Variants in CELF6 observed in about 807,000 individuals in gnomAD.
CELF6 encodes the protein CUGBP Elav-like family member 6.
A neutral mutation model predicts 53.1 loss-of-function variants in CELF6; 32 were observed. The ratio of observed to expected loss-of-function variants is 0.60; its 90% CI spans 0.46 to 0.81. The LOEUF (loss-of-function observed/expected upper bound fraction) is 0.81, where lower values mean the gene tolerates loss of function less well. CELF6 is among the 30% of genes least tolerant of loss of function. The pLI is 0.00. For synonymous variants in CELF6, 291 were observed against 288.8 expected, an observed-to-expected ratio of 1.01 and a Z score of -0.08; for missense variants, 539 against 669.5, an observed-to-expected ratio of 0.81 and a Z score of 2.15.
chr15:72,305,453 C>T (rs1199549321), intron 2 of CELF6, among the ~76,000 whole-genome samples: 8 of 152,178 alleles, frequency 5.3e-5, no homozygotes, highest in Admixed American at 3.3e-4. Context: ...ATGATTCACC[C>T]GCCTCAGCCT....
chr15:72,319,969 C>A lies in CELF6; in HGVS notation c.-95G>T, dbSNP rs963824640. 5 of 1,230,452 alleles carry A rather than the reference C, an allele frequency of 4.1e-6. No individual in the cohort carries two copies. In the African/African-American group the frequency reaches 8.4e-5, roughly 21 times the overall value. The allele number at this position is 1,230,452 out of a possible 1,614,324, so 76.2% of individuals were successfully genotyped here. A position where few individuals can be genotyped will look rare whatever the true frequency, so the allele number is the denominator to read the frequency against. ...GGTGGCGAGGGCCAGGGGGAGGGGG[C>A]GGAGCCCGGGCGGAGAGGGCGGGGG... On this transcript the variant is annotated 5_prime_UTR_variant, in exon 1 of 13. Coordinates refer to ENST00000287202, the MANE Select transcript of CELF6 (RefSeq NM_052840.5). The surrounding 1 kb of genome is among the most constrained non-coding windows in gnomAD (Gnocchi z 5.0).
intron 1 of CELF6, among the ~76,000 whole-genome samples, chr15:72,316,801 A>C (rs1479226238): frequency 6.6e-6 from 1 of 152,052 alleles, no homozygotes; most frequent in Non-Finnish European, 1.5e-5. Flanking sequence ...TTGAACACTT[A>C]CTTATTATGG....
In CELF6 at chr15:72,286,076, T is replaced by C. The variant is rs1438218256; in HGVS notation, c.*295A>G. The C allele has an allele frequency of 1.3e-5, 2 of 152,662 alleles. No individual in the cohort carries two copies. The highest frequency in any genetic ancestry group is 2.9e-5 in the Non-Finnish European group (2 of 68,050). The allele number at this position is 152,662 out of a possible 1,614,324, so 9.5% of individuals were successfully genotyped here. A position where few individuals can be genotyped will look rare whatever the true frequency, so the allele number is the denominator to read the frequency against. ...ATTTTGAAAGAAGTAAATCTGGGCT[T>C]CCCTTGCGGAGAAGCCCTTGGCACC... On this transcript the variant is annotated 3_prime_UTR_variant, in exon 13 of 13. Transcript: ENST00000287202.
intron 2 of CELF6, among the ~76,000 whole-genome samples, chr15:72,306,803 A>AC (rs949820448): frequency 3.9e-5 from 6 of 151,926 alleles, no homozygotes; most frequent in Non-Finnish European, 8.8e-5. Context: ...GGAGGACAGG[A>AC]CCCGTCCCTG....
intron 2 of CELF6, among the ~76,000 whole-genome samples, chr15:72,315,138 A>G (rs2088346711): frequency 6.6e-6 from 1 of 152,230 alleles, no homozygotes; most frequent in South Asian, 2.1e-4. Context: ...GCTCTGTTCT[A>G]GACACACCGC....
rs572708340 is a variant in CELF6, at chr15:72,309,495, GTGGGAGTT to G, written c.346-4709_346-4702del. 5.9e-3 allele frequency among the ~76,000 whole-genome samples: 893 copies of G among 152,322 alleles called. 10 individuals are homozygous for G. The highest frequency in any genetic ancestry group is 0.019 in the African/African-American group (793 of 41,564). On this transcript the variant is annotated intron_variant, in intron 2 of 12. Coordinates refer to ENST00000287202, the MANE Select transcript of CELF6 (RefSeq NM_052840.5). ...GTTCATCGCTTGGGAGTTGGGGAAG[GTGGGAGTT>G]TGGGAGTTTGGGGGTACAAGGAAGT...
Position 72,288,560 on chromosome 15 carries a change from G to A in CELF6, c.1152C>T (p.Ala384=), listed in dbSNP as rs376352620. The A allele has an allele frequency of 6.2e-5, 99 of 1,594,720 alleles. No homozygotes were observed. The highest frequency in any genetic ancestry group is 8.2e-5 in the Non-Finnish European group (96 of 1,169,948). ...CACCTTCTCTCTGCTGCTGGGGCAG[G>A]GCTGAAGGCTGCTGGGGAAAAGCTG... is the stretch of plus-strand genomic sequence containing the variant. ...VSTAFPQQPS[A]LPQQQREGPE... is the part of the protein sequence containing the mutation. The change falls in exon 10 of 13, where the codon GCC becomes GCT. Residue 384 remains alanine, a synonymous_variant. Transcript: ENST00000287202. This position sits in a 1 kb window ranked among gnomAD's most constrained non-coding sequence, Gnocchi z 4.6.
In CELF6 at chr15:72,306,063, G is replaced by A. The variant is rs576195232; in HGVS notation, c.346-1269C>T. On this transcript the variant is annotated intron_variant, in intron 2 of 12. Transcript: ENST00000287202. ...ATTGCATAATTTGAAAACGCTCCTA[G>A]GTGATTTCAATATATCGCCCCCACA... The A allele has an allele frequency of 3.0e-6, 3 of 984,236 alleles. No homozygotes were observed. In the South Asian group the frequency reaches 1.4e-4, roughly 46 times the overall value. 61.0% of individuals were successfully genotyped at this position (984,236 alleles called of 1,614,324 possible). A position where few individuals can be genotyped will look rare whatever the true frequency, so the allele number is the denominator to read the frequency against.
chr15:72,299,581 G>A (rs936011883), intron 3 of CELF6, among the ~76,000 whole-genome samples: 2 of 151,900 alleles, frequency 1.3e-5, no homozygotes, highest in Admixed American at 1.3e-4. Context: ...GGCTGGTCTT[G>A]AACTCCTGAG....
rs1046042607 is a variant in CELF6 at position 72,293,841 on chromosome 15, C to T, written c.395-3586G>A. On this transcript the variant is annotated intron_variant, in intron 3 of 12. Transcript: ENST00000287202. ...CCTGAGTAGCTGGATTATAGGTGCA[C>T]GCCACCATGCCCAGCTAATTTTTGT... 7.9e-5 allele frequency among the ~76,000 whole-genome samples: 12 copies of T among 152,088 alleles called. No individual in the cohort carries two copies. In the South Asian group the frequency reaches 1.2e-3, roughly 16 times the overall value.
In CELF6 at chr15:72,290,846, C is replaced by T. The variant is rs8033115; in HGVS notation, c.395-591G>A. Among the ~76,000 whole-genome samples the T allele has an allele frequency of 5.1e-3, 779 of 152,250 alleles. 5 individuals are homozygous for T. The highest frequency in any genetic ancestry group is 0.018 in the African/African-American group (735 of 41,528). On this transcript the variant is annotated intron_variant, in intron 3 of 12. Transcript: ENST00000287202. ...GCACTGAGCACTGGCATGATGAATC[C>T]TTACCCTCTGCACCACATCCAACCT...
intron 3 of CELF6, among the ~76,000 whole-genome samples, chr15:72,303,156 C>T (rs1727329737): frequency 6.6e-6 from 1 of 152,158 alleles, no homozygotes; most frequent in South Asian, 2.1e-4. Flanking sequence ...GGGACTGGCT[C>T]ATGGTTGTGG....
At chr15:72,316,005 C>A in intron 1 of CELF6, 78 bp from the exon 2 acceptor site, 1 of 956,806 alleles carries the variant, frequency 1.0e-6, no homozygotes. Context: ...ACTAAGTTGA[C>A]AAACTTAAGG....
chr15:72,312,559 G>A (rs545465232), intron 2 of CELF6, among the ~76,000 whole-genome samples: 32 of 152,276 alleles, frequency 2.1e-4, no homozygotes, highest in African/African-American at 7.2e-4. Context: ...AACCCTGGAG[G>A]TGGAGGTTGC....
chr15:72,307,104 A>G (rs542767926), intron 2 of CELF6, among the ~76,000 whole-genome samples: 54 of 152,180 alleles, frequency 3.5e-4, no homozygotes, highest in African/African-American at 1.2e-3. Flanking sequence ...TCATTATTTT[A>G]TTAGTTCTTA....
At chr15:72,300,354 C>A in intron 3 of CELF6, among the ~76,000 whole-genome samples, 1 of 144,036 alleles carries the variant, frequency 6.9e-6, no homozygotes, top group African/African-American at 2.6e-5. Context: ...GAGTGAAACA[C>A]TGTCTCTAAA....
At chr15:72,302,238 C>T (rs2088167275) in intron 3 of CELF6, among the ~76,000 whole-genome samples, 1 of 152,158 alleles carries the variant, frequency 6.6e-6, no homozygotes, top group Admixed American at 6.5e-5. Flanking sequence ...CCTTTTCTCT[C>T]CTGAATATAT....
At chr15:72,313,383 G>C (rs2088323293) in intron 2 of CELF6, among the ~76,000 whole-genome samples, 1 of 152,170 alleles carries the variant, frequency 6.6e-6, no homozygotes, top group Non-Finnish European at 1.5e-5. Context: ...GATCACTTGA[G>C]GCCAGAAGTT....
chr15:72,304,974 T>C (rs921742751), intron 2 of CELF6, among the ~76,000 whole-genome samples, 180 bp from the exon 3 acceptor site: 2 of 152,114 alleles, frequency 1.3e-5, no homozygotes, highest in African/African-American at 4.8e-5. Flanking sequence ...CCCAGGAATT[T>C]AGAAGGTGCT....
Sources: gnomAD v4.1 joint callset for allele counts (sites outside exome capture counted in the v4.1 genomes callset) on GRCh38, gnomAD v4.1.1 for gene constraint, Gnocchi (gnomAD v3.1) non-coding constraint, MANE v1.5 for transcripts, NCBI Gene and HGNC (gene_info 2026-07-23, HGNC 2026-07-21) for gene names.